The following FXR1 variants were observed in gnomAD, a reference collection of about 807,000 sequenced individuals.
The protein encoded by FXR1 is RNA-binding protein FXR1.
A neutral mutation model predicts 84.0 loss-of-function variants in FXR1; 15 were observed. That is an observed-to-expected ratio of 0.18 (90% CI 0.12 to 0.27). The LOEUF (loss-of-function observed/expected upper bound fraction) is 0.27, where lower values mean the gene tolerates loss of function less well. Among genes scored for constraint, FXR1 ranks in the 10% least tolerant of loss-of-function variants. The probability of loss-of-function intolerance (pLI) is 1.00; values close to 1 mark genes in which losing one functional copy is unlikely to be tolerated. For synonymous variants in FXR1, 245 were observed against 250.7 expected, an observed-to-expected ratio of 0.98 and a Z score of 0.21; for missense variants, 480 against 774.4, an observed-to-expected ratio of 0.62 and a Z score of 4.51.
chr3:180,948,681 C>T (rs1319500754), intron 5 of FXR1, 40 bp from the exon 6 acceptor site: 1 of 1,100,178 alleles, frequency 9.1e-7, no homozygotes, highest in African/African-American at 1.5e-5. Flanking sequence ...TGACTTTAAT[C>T]TGTTATTGAG....
At chr3:180,915,313 C>A in intron 1 of FXR1, 1 of 537,934 alleles carries the variant, frequency 1.9e-6, no homozygotes. Context: ...ATTCATAGCC[C>A]CCAAATTTCC....
In FXR1 at chr3:180,962,885, A is replaced by G; in HGVS notation, c.1080A>G (p.Glu360=). The G allele has an allele frequency of 6.2e-7, 1 of 1,604,160 alleles. No individual in the cohort carries two copies. The highest frequency in any genetic ancestry group is 8.5e-7 in the Non-Finnish European group (1 of 1,171,166). Residue 360 remains glutamate, a splice_region_variant and synonymous_variant, in exon 12 of 17, where the codon GAA becomes GAG. Coordinates refer to ENST00000357559, the MANE Select transcript of FXR1 (RefSeq NM_005087.4). ...ACTCTTTTTTGTTTTGATTGTAGGA[A>G]GTAGAACAGCTAAGAATGGAACGCC... The part of the protein sequence containing the change: ...LLEYHIAYLK[E]VEQLRMERLQ...
At chr3:180,915,115 G>A in intron 1 of FXR1, 1 of 197,772 alleles carries the variant, frequency 5.1e-6, no homozygotes, top group Non-Finnish European at 9.8e-6. Context: ...TTAAACTGCT[G>A]ACTTGAAAAC....
intron 13 of FXR1, among the ~76,000 whole-genome samples, chr3:180,966,308 T>A (rs565941190): frequency 6.0e-4 from 91 of 152,344 alleles, no homozygotes; most frequent in African/African-American, 2.2e-3. Context: ...ATTGTTTTTA[T>A]AATTGACTAG....
intron 8 of FXR1, among the ~76,000 whole-genome samples, chr3:180,952,178 G>A (rs536869079): frequency 2.0e-5 from 3 of 152,104 alleles, no homozygotes; most frequent in South Asian, 2.1e-4. Context: ...GGCTTGTCTC[G>A]AACTCCTGAG....
intron 3 of FXR1, among the ~76,000 whole-genome samples, chr3:180,936,270 C>CT (rs1408408948): frequency 6.6e-6 from 1 of 151,932 alleles, no homozygotes; most frequent in African/African-American, 2.4e-5. Flanking sequence ...TTTTATTTTA[C>CT]TTTATTTTAT....
chr3:180,919,137 T>G (rs748852961), intron 1 of FXR1, among the ~76,000 whole-genome samples: 1 of 152,242 alleles, frequency 6.6e-6, no homozygotes, highest in Non-Finnish European at 1.5e-5. Context: ...TAGACAAATC[T>G]GCTTTCTAAT....
At chr3:180,919,459 A>G (rs1264476772) in intron 1 of FXR1, among the ~76,000 whole-genome samples, 1 of 151,130 alleles carries the variant, frequency 6.6e-6, no homozygotes, top group Non-Finnish European at 1.5e-5. Context: ...CAATTTTTGT[A>G]TTTTTAGTAG....
chr3:180,922,397 T>C (rs1718695286), intron 1 of FXR1, among the ~76,000 whole-genome samples: 1 of 152,202 alleles, frequency 6.6e-6, no homozygotes, highest in Non-Finnish European at 1.5e-5. Context: ...TTGATCCCAG[T>C]TGTGAATTTT....
Position 180,947,840 on chromosome 3 carries a change from T to C in FXR1, c.199-25T>C, listed in dbSNP as rs200887669. Reference sequence around the variant, plus strand: ...ATTGAAATCTTTTGGGATGAATGGATATAGGCATTTTTTTTTCTTCTCAGG... The same window carrying C: ...ATTGAAATCTTTTGGGATGAATGGACATAGGCATTTTTTTTTCTTCTCAGG... On this transcript the variant is annotated intron_variant, in intron 3 of 16. Transcript: ENST00000357559. 2.0e-5 allele frequency: 29 copies of C among 1,432,016 alleles called. No individual in the cohort carries two copies. The East Asian group carries it at 6.7e-4, about 33-fold the overall frequency. The allele number at this position is 1,432,016 out of a possible 1,614,324, so 88.7% of individuals were successfully genotyped here.
rs1714292771 is a variant in FXR1, at chr3:180,976,892, T to C, written c.*600T>C. The C allele has an allele frequency of 6.6e-6, 1 of 152,598 alleles. No homozygotes were observed. The highest frequency in any genetic ancestry group is 2.1e-4 in the South Asian group (1 of 4,828). The allele number at this position is 152,598 out of a possible 1,614,324, so 9.5% of individuals were successfully genotyped here. On this transcript the variant is annotated 3_prime_UTR_variant, in exon 17 of 17. Coordinates refer to ENST00000357559, the MANE Select transcript of FXR1 (RefSeq NM_005087.4). ...GCAGTGACTGTTCTACCTTGAGGCT[T>C]TGTTTGGTTTATTTATTAAAGTGTA...
At chr3:180,961,782 A>G (rs1019454823) in intron 11 of FXR1, among the ~76,000 whole-genome samples, 2 of 152,058 alleles carry the variant, frequency 1.3e-5, no homozygotes, top group Non-Finnish European at 2.9e-5. Context: ...TGTGTGCATA[A>G]TTTCTCTTCT....
intron 3 of FXR1, among the ~76,000 whole-genome samples, 171 bp from the exon 4 acceptor site, chr3:180,947,694 A>G (rs988407736): frequency 3.3e-5 from 5 of 152,228 alleles, no homozygotes; most frequent in African/African-American, 1.2e-4. Flanking sequence ...ATTTTTAAGT[A>G]GTAAATTTAA....
chr3:180,927,789 T>C (rs1719406875), intron 1 of FXR1: 1 of 427,154 alleles, frequency 2.3e-6, no homozygotes, highest in African/African-American at 2.1e-5. Context: ...TTGTATATTA[T>C]TAAAATTACA....
Position 180,979,678 on chromosome 3 carries a change from C to G in FXR1, c.*3386C>G, listed in dbSNP as rs557944842. 1 of 152,078 alleles carries G rather than the reference C, an allele frequency of 6.6e-6. No homozygotes were observed. Among genetic ancestry groups the G allele is most frequent in the African/African-American group, 2.4e-5 (1 of 41,520 alleles). The allele number at this position is 152,078 out of a possible 1,614,324, so 9.4% of individuals were successfully genotyped here. ...AGGAGCTTTTGCAATAAAGCAGTAA[C>G]TGCAATCTGCTAAAGTCAGACTGTT... On this transcript the variant is annotated 3_prime_UTR_variant, in exon 17 of 17. Coordinates refer to ENST00000357559, the MANE Select transcript of FXR1 (RefSeq NM_005087.4).
At chr3:180,921,263 G>C (rs1442409965) in intron 1 of FXR1, among the ~76,000 whole-genome samples, 3 of 151,998 alleles carry the variant, frequency 2.0e-5, no homozygotes, top group Non-Finnish European at 2.9e-5. Context: ...AGCTATTCTG[G>C]AGGCTGAGGC....
At chr3:180,914,952 T>G (rs1576875265) in intron 1 of FXR1, 1 of 984,120 alleles carries the variant, frequency 1.0e-6, no homozygotes, top group Non-Finnish European at 1.2e-6. Flanking sequence ...AATGGCGGAG[T>G]GGAAAAGAGT....
rs1393108209 is a variant in FXR1 at position 180,968,096 on chromosome 3, G to A, written c.1244G>A (p.Arg415His). The A allele has an allele frequency of 5.6e-6, 9 of 1,613,490 alleles. No individual in the cohort carries two copies. Among genetic ancestry groups the A allele is most frequent in the South Asian group, 2.2e-5 (2 of 91,082 alleles). The change falls in exon 14 of 17, where the codon CGT (arginine) becomes CAT (histidine). Residue 415 changes from arginine to histidine, a missense_variant. Transcript: ENST00000357559. The stretch of plus-strand genomic sequence containing the variant: ...AACCCCTCTGAAACGGAATCTGAGC[G>A]TAAAGACGAGCTGAGTGATTGGTCA... Reference protein sequence around the residue: ...LSNPSETESERKDELSDWSLA... With the variant: ...LSNPSETESEHKDELSDWSLA...
chr3:180,937,953 T>C (rs1251817425), intron 3 of FXR1, among the ~76,000 whole-genome samples: 1 of 152,192 alleles, frequency 6.6e-6, no homozygotes, highest in Non-Finnish European at 1.5e-5. Context: ...TTTATTTGCA[T>C]GTATAAAGGA....
Sources: gnomAD v4.1 joint callset for allele counts (sites outside exome capture counted in the v4.1 genomes callset) on GRCh38, gnomAD v4.1.1 for gene constraint, MANE v1.5 for transcripts, NCBI Gene and HGNC (gene_info 2026-07-23, HGNC 2026-07-21) for gene names.